Variants in SLC7A1 observed in about 807,000 individuals in gnomAD.
SLC7A1 encodes solute carrier family 7 member 1.
Under a neutral mutation model 53.9 loss-of-function variants are expected in SLC7A1, and 10 were observed. The ratio of observed to expected loss-of-function variants is 0.19; its 90% CI spans 0.11 to 0.31. The LOEUF is 0.31. Ranked by LOEUF, SLC7A1 falls within the 10% of genes least tolerant of loss-of-function variation. The probability of loss-of-function intolerance (pLI) is 1.00; values close to 1 mark genes in which losing one functional copy is unlikely to be tolerated. For missense variants in SLC7A1, 525 were observed against 827.2 expected, an observed-to-expected ratio of 0.63 and a Z score of 4.48; for synonymous variants, 342 against 338.7, an observed-to-expected ratio of 1.01 and a Z score of -0.11.
At chr13:29,559,211 G>C (rs867855163) in intron 1 of SLC7A1, among the ~76,000 whole-genome samples, 2 of 7,446 alleles carry the variant, frequency 2.7e-4, no homozygotes, top group Non-Finnish European at 2.4e-4. Flanking sequence ...ATGTGAGTGA[G>C]GGGGAGTGAA....
intron 1 of SLC7A1, among the ~76,000 whole-genome samples, chr13:29,585,921 T>C (rs1871860370): frequency 6.6e-6 from 1 of 152,142 alleles, no homozygotes; most frequent in Admixed American, 6.5e-5. Flanking sequence ...GAACAGTGTA[T>C]CTTGGTAGCC....
At chr13:29,529,992 G>A (rs897273487) in intron 5 of SLC7A1, among the ~76,000 whole-genome samples, 7 of 152,142 alleles carry the variant, frequency 4.6e-5, no homozygotes, top group African/African-American at 1.2e-4. Flanking sequence ...GGCCACTGTC[G>A]CCAGGGCTTG....
intron 6 of SLC7A1, among the ~76,000 whole-genome samples, 164 bp downstream of exon 6, chr13:29,523,968 T>C (rs777721011): frequency 1.8e-4 from 28 of 152,038 alleles, no homozygotes; most frequent in Non-Finnish European, 3.1e-4. Context: ...GATGTGATAA[T>C]GGTTTGGGGG....
chr13:29,589,345 G>A (rs188798558), intron 1 of SLC7A1, among the ~76,000 whole-genome samples: 5 of 151,526 alleles, frequency 3.3e-5, no homozygotes, highest in Admixed American at 1.3e-4. Context: ...GAGTGTGGGC[G>A]TGGCTGGATG....
At chr13:29,574,933 C>T (rs1032400329) in intron 1 of SLC7A1, among the ~76,000 whole-genome samples, 18 of 152,160 alleles carry the variant, frequency 1.2e-4, no homozygotes, top group Non-Finnish European at 2.1e-4. Flanking sequence ...CATGAGCCAC[C>T]GTGCGTGGCC....
chr13:29,522,577 T>C, intron 7 of SLC7A1, 121 bp from the exon 8 acceptor site: 2 of 1,031,874 alleles, frequency 1.9e-6, no homozygotes, highest in South Asian at 1.5e-5. Context: ...AGAGCTGCCG[T>C]CCCTCCACGC....
chr13:29,569,716 A>C (rs1871117632), intron 1 of SLC7A1, among the ~76,000 whole-genome samples: 1 of 152,228 alleles, frequency 6.6e-6, no homozygotes. Flanking sequence ...AATGTAATGC[A>C]ATAACATCTG....
chr13:29,562,147 A>G (rs1444197475), intron 1 of SLC7A1, among the ~76,000 whole-genome samples: 2 of 152,132 alleles, frequency 1.3e-5, no homozygotes, highest in Non-Finnish European at 2.9e-5. Flanking sequence ...TTTCCCAATG[A>G]TCACGCCCTG....
intron 1 of SLC7A1, among the ~76,000 whole-genome samples, chr13:29,573,681 A>G (rs769649228): frequency 1.6e-4 from 25 of 152,260 alleles, no homozygotes; most frequent in Non-Finnish European, 2.8e-4. Flanking sequence ...TAATGTAAGT[A>G]TGCCCCAAAT....
intron 5 of SLC7A1, among the ~76,000 whole-genome samples, chr13:29,527,051 A>G (rs1376746758): frequency 6.9e-6 from 1 of 145,126 alleles, no homozygotes; most frequent in Non-Finnish European, 1.5e-5. Context: ...GGGCAACCAT[A>G]ACAATGAACA....
At chr13:29,563,364 G>A (rs995502303) in intron 1 of SLC7A1, among the ~76,000 whole-genome samples, 5 of 152,208 alleles carry the variant, frequency 3.3e-5, no homozygotes, top group African/African-American at 1.2e-4. Context: ...ATTTACTTAA[G>A]TGGGTTTTTT....
chr13:29,591,150 A>G (rs1872092474), intron 1 of SLC7A1, among the ~76,000 whole-genome samples: 1 of 152,072 alleles, frequency 6.6e-6, no homozygotes, highest in Non-Finnish European at 1.5e-5. Context: ...AAATCAAGGA[A>G]CTGAGCCTTC....
At chr13:29,552,250 CACACAG>C (rs1870230580) in intron 2 of SLC7A1, among the ~76,000 whole-genome samples, 2 of 150,384 alleles carry the variant, frequency 1.3e-5, no homozygotes, top group South Asian at 2.1e-4. Flanking sequence ...CACACACACA[CACACAG>C]ACACACACAC....
chr13:29,572,947 C>CA (rs1382217745), intron 1 of SLC7A1, among the ~76,000 whole-genome samples: 1 of 152,166 alleles, frequency 6.6e-6, no homozygotes, highest in Non-Finnish European at 1.5e-5. Context: ...CCAGGAGAAA[C>CA]AGAGACAGAA....
At chr13:29,548,110 C>T (rs957420493) in intron 2 of SLC7A1, among the ~76,000 whole-genome samples, 5 of 152,172 alleles carry the variant, frequency 3.3e-5, no homozygotes, top group East Asian at 3.8e-4. Flanking sequence ...TTAACTCTCC[C>T]GGTGGTGTCC....
chr13:29,584,024 C>G (rs1158993386), intron 1 of SLC7A1, among the ~76,000 whole-genome samples: 1 of 152,160 alleles, frequency 6.6e-6, no homozygotes, highest in African/African-American at 2.4e-5. Context: ...TCATTTATTT[C>G]AAACGTTAAC....
chr13:29,523,831 G>C (rs1868751530), intron 6 of SLC7A1, among the ~76,000 whole-genome samples: 1 of 152,214 alleles, frequency 6.6e-6, no homozygotes, highest in African/African-American at 2.4e-5. Context: ...GTTGTGAATA[G>C]CCTCACTCCT....
chr13:29,584,429 G>A (rs1871789963), intron 1 of SLC7A1, among the ~76,000 whole-genome samples: 2 of 152,198 alleles, frequency 1.3e-5, no homozygotes, highest in South Asian at 4.1e-4. Flanking sequence ...TTACAGGTAT[G>A]AGCCACCACA....
intron 2 of SLC7A1, among the ~76,000 whole-genome samples, chr13:29,538,561 G>T (rs1593552756): frequency 6.6e-6 from 1 of 152,334 alleles, no homozygotes; most frequent in Admixed American, 6.5e-5. Flanking sequence ...CTAGGGAGGA[G>T]GAGGAGCAGG....
Sources: allele counts gnomAD v4.1 joint callset (sites outside exome capture counted in the v4.1 genomes callset), GRCh38; gene constraint gnomAD v4.1.1; transcripts MANE v1.5; gene names NCBI Gene and HGNC (gene_info 2026-07-23, HGNC 2026-07-21).